Variants in SEC16B observed in about 807,000 individuals in gnomAD.
The protein encoded by SEC16B is SEC16 homolog B, endoplasmic reticulum export factor.
SEC16B carries 115 observed loss-of-function variants against 141.8 expected under a neutral mutation model. The ratio of observed to expected loss-of-function variants is 0.81; its 90% CI spans 0.70 to 0.95. The LOEUF (loss-of-function observed/expected upper bound fraction) is 0.95. Among genes scored for constraint, SEC16B ranks in the 40% least tolerant of loss-of-function variants. The probability of loss-of-function intolerance (pLI) is 0.00; values close to 1 mark genes in which losing one functional copy is unlikely to be tolerated. For missense variants in SEC16B, 1,291 were observed against 1,312.3 expected (o/e 0.98, Z 0.25); for synonymous variants, 493 against 492.5 (o/e 1.00, Z -0.01).
In SEC16B at chr1:177,961,647, C is replaced by A; in HGVS notation, c.730G>T (p.Asp244Tyr). ...SSYELSQYIRDAPERDDPPAS... is the reference protein window; with the variant it reads ...SSYELSQYIRYAPERDDPPAS... Reference sequence around the variant, plus strand: ...GGGGGATCATCCCGCTCCGGGGCATCTCTGATGTACTGACTGAGCTCATAG... The same window carrying A: ...GGGGGATCATCCCGCTCCGGGGCATATCTGATGTACTGACTGAGCTCATAG... Residue 244 changes from aspartate (D) to tyrosine (Y), a missense_variant, in exon 6 of 26, where the codon GAT (aspartate) becomes TAT (tyrosine). Around this residue, in one of 3 missense-constraint regions of SEC16B, gnomAD observed 681 missense variants for 675.5 expected, o/e 1.01. Transcript: ENST00000308284. 1 of 1,613,992 alleles carries A rather than the reference C, an allele frequency of 6.2e-7. No individual in the cohort carries two copies. Among genetic ancestry groups the A allele is most frequent in the Non-Finnish European group, 8.5e-7 (1 of 1,179,886 alleles).
rs746520937 is a variant in SEC16B, at chr1:177,958,134, T to C, written c.1363A>G (p.Lys455Glu). The change falls in exon 10 of 26, where the codon AAG becomes GAG. Residue 455 changes from lysine (K) to glutamate (E), a missense_variant and splice_region_variant. Lys to Glu is a moderately conservative substitution (Grantham distance 56). Around this residue, in one of 3 missense-constraint regions of SEC16B, gnomAD observed 681 missense variants for 675.5 expected, o/e 1.01. Transcript: ENST00000308284. ...FTRLLYYGRKKEALEWAMKNH... is the reference protein window; with the variant it reads ...FTRLLYYGRKEEALEWAMKNH... ...GTATGGGGGAAGGGCATACTTGCCT[T>C]CTTCCTTCCATAGTAGAGCAGCCTA... 2.0e-6 allele frequency: 3 copies of C among 1,497,918 alleles called. No individual in the cohort carries two copies. Among genetic ancestry groups the C allele is most frequent in the Non-Finnish European group, 2.7e-6 (3 of 1,118,782 alleles). The allele number at this position is 1,497,918 out of a possible 1,614,324, so 92.8% of individuals were successfully genotyped here.
Position 177,937,201 on chromosome 1 carries a change from G to A in SEC16B, c.2503+13C>T, listed in dbSNP as rs112513818. On this transcript the variant is annotated intron_variant, in intron 19 of 25. Coordinates refer to ENST00000308284, the MANE Select transcript of SEC16B (RefSeq NM_033127.4). ...CTACATTCAATGTGGCCACCCTAGC[G>A]GCCAGGTCTTACCAGGGCCCAGGTG... 293 of 1,597,728 alleles carry A rather than the reference G, an allele frequency of 1.8e-4. No homozygotes were observed. In the African/African-American group the frequency reaches 3.1e-3, roughly 17 times the overall value.
chr1:177,941,457 T>C (rs1651265170), intron 16 of SEC16B, among the ~76,000 whole-genome samples: 1 of 152,266 alleles, frequency 6.6e-6, no homozygotes. Context: ...TAAAGGTTGA[T>C]ATGTTTTTGT....
chr1:177,949,052 A>T (rs748501021), intron 12 of SEC16B, among the ~76,000 whole-genome samples: 1 of 152,102 alleles, frequency 6.6e-6, no homozygotes, highest in Non-Finnish European at 1.5e-5. Context: ...AATAACTAAG[A>T]TTTGGAGTTA....
chr1:177,961,785 T>C lies in SEC16B; in HGVS notation c.643-51A>G. On this transcript the variant is annotated intron_variant, in intron 5 of 25. Coordinates refer to ENST00000308284, the MANE Select transcript of SEC16B (RefSeq NM_033127.4). Reference sequence around the variant, plus strand: ...AGGAAGAAGTTTCAGAGAGCTGGTCTTCTCAAGCGTTCCTTCAAAGAAACA... The same window carrying C: ...AGGAAGAAGTTTCAGAGAGCTGGTCCTCTCAAGCGTTCCTTCAAAGAAACA... 2.6e-6 allele frequency: 4 copies of C among 1,549,482 alleles called. No individual in the cohort carries two copies. In the South Asian group the frequency reaches 4.6e-5, roughly 18 times the overall value.
In SEC16B at chr1:177,964,078, C is replaced by A; in HGVS notation, c.642+93G>T. 3.6e-6 allele frequency: 3 copies of A among 836,094 alleles called. No homozygotes were observed. The South Asian group carries it at 5.5e-5, about 15-fold the overall frequency. 51.8% of individuals were successfully genotyped at this position (836,094 alleles called of 1,614,324 possible). ...GTCCTCCAGACGGCTGGCCACTGGA[C>A]ATCCATCCCCAAGGGCCCTGTTCTG... On this transcript the variant is annotated intron_variant, in intron 5 of 25. Transcript: ENST00000308284.
rs774683887 is a variant in SEC16B at position 177,958,204 on chromosome 1, G to T, written c.1293C>A (p.Ile431=). The change falls in exon 10 of 26, where the codon ATC becomes ATA. Residue 431 remains isoleucine (I), a synonymous_variant. Coordinates refer to ENST00000308284, the MANE Select transcript of SEC16B (RefSeq NM_033127.4). ...SGTPNLLTGE[I]PPSVETPAQI... is the part of the protein sequence containing the mutation. ...GCGCAGGTGTCTCCACACTGGGGGG[G>T]ATCTCTCCCGTGAGCAGGTTCGGGG... 11 of 1,598,926 alleles carry T rather than the reference G, an allele frequency of 6.9e-6. No homozygotes were observed. Among genetic ancestry groups the T allele is most frequent in the Non-Finnish European group, 9.4e-6 (11 of 1,172,404 alleles).
chr1:177,946,571 C>G, intron 13 of SEC16B, 40 bp from the exon 14 acceptor site: 3 of 1,465,868 alleles, frequency 2.0e-6, no homozygotes, highest in Non-Finnish European at 2.8e-6. Flanking sequence ...ACGGAGCACA[C>G]CCGTATGGGG....
At chr1:177,969,825 G>A (rs1365636035) in intron 1 of SEC16B, 59 bp downstream of exon 1, 1 of 152,158 alleles carries the variant, frequency 6.6e-6, no homozygotes, top group Non-Finnish European at 1.5e-5. Context: ...TTCCTAATCT[G>A]ACGGCACAGC....
intron 18 of SEC16B, among the ~76,000 whole-genome samples, chr1:177,937,812 C>A (rs924208470): frequency 3.7e-4 from 57 of 152,082 alleles, no homozygotes; most frequent in African/African-American, 1.1e-3. Context: ...CCCAGAAAAA[C>A]CTTAAAAACT....
intron 1 of SEC16B, among the ~76,000 whole-genome samples, chr1:177,978,805 T>C (rs1473732039): frequency 6.6e-6 from 1 of 152,166 alleles, no homozygotes; most frequent in East Asian, 1.9e-4. Context: ...TTAGCTTTTA[T>C]CATAGCAGTT....
At chr1:177,959,375 C>T (rs1205576503) in intron 8 of SEC16B, 1 of 230,370 alleles carries the variant, frequency 4.3e-6, no homozygotes, top group African/African-American at 2.3e-5. Context: ...AAAGGACCTA[C>T]CTCCATACAA....
chr1:177,943,989 C>T (rs1255953116), intron 15 of SEC16B, among the ~76,000 whole-genome samples: 7 of 152,224 alleles, frequency 4.6e-5, no homozygotes, highest in Middle Eastern at 3.4e-3. Flanking sequence ...CTGGTCTTTA[C>T]GAATGTAAGG....
chr1:177,965,314 G>A, intron 3 of SEC16B, 147 bp from the exon 4 acceptor site: 1 of 981,206 alleles, frequency 1.0e-6, no homozygotes, highest in East Asian at 2.7e-5. Flanking sequence ...ATAGGTGAGA[G>A]CTAATAAAGA....
At position 177,929,187 on chromosome 1, in the gene SEC16B, A is replaced by C. The variant is rs1455481854; in HGVS notation, c.*671T>G. On this transcript the variant is annotated 3_prime_UTR_variant, in exon 26 of 26. Coordinates refer to ENST00000308284, the MANE Select transcript of SEC16B (RefSeq NM_033127.4). Reference sequence around the variant, plus strand: ...GTTCAGTAGTTACCATGACAATATGATGCCTACAGCAATCTAACTTGATAG... The same window carrying C: ...GTTCAGTAGTTACCATGACAATATGCTGCCTACAGCAATCTAACTTGATAG... 1 of 153,254 alleles carries C rather than the reference A, an allele frequency of 6.5e-6. No homozygotes were observed. The highest frequency in any genetic ancestry group is 1.9e-4 in the East Asian group (1 of 5,192). The allele number at this position is 153,254 out of a possible 1,614,324, so 9.5% of individuals were successfully genotyped here.
intron 15 of SEC16B, 120 bp downstream of exon 15, chr1:177,944,441 G>A: frequency 4.1e-6 from 3 of 735,112 alleles, no homozygotes; most frequent in Non-Finnish European, 7.1e-6. Flanking sequence ...TTAAGCTAAT[G>A]AGGAAAAGTT....
chr1:177,930,304 A>G (rs1650319320), intron 25 of SEC16B, among the ~76,000 whole-genome samples: 1 of 152,170 alleles, frequency 6.6e-6, no homozygotes, highest in African/African-American at 2.4e-5. Context: ...AAATTTAAAC[A>G]TGATATTAAT....
At position 177,932,847 on chromosome 1, in the gene SEC16B, C is replaced by A. The variant is rs779756618; in HGVS notation, c.2824-41G>T. The A allele has an allele frequency of 3.3e-5, 52 of 1,557,780 alleles. No homozygotes were observed. In the East Asian group the frequency reaches 5.1e-4, roughly 15 times the overall value. On this transcript the variant is annotated intron_variant, in intron 22 of 25. Transcript: ENST00000308284. ...AGAAAGGCAGCATTGGCAACATTGGCAGTTAACAAATTGATGCCCGCCAAT... is the reference window on the plus strand; with the variant it reads ...AGAAAGGCAGCATTGGCAACATTGGAAGTTAACAAATTGATGCCCGCCAAT...
At chr1:177,982,013 A>T (rs1654439091) in intron 1 of SEC16B, among the ~76,000 whole-genome samples, 2 of 152,250 alleles carry the variant, frequency 1.3e-5, no homozygotes, top group African/African-American at 4.8e-5. Context: ...TAAGGTAAAA[A>T]GCAGAGGAAG....
Sources: gnomAD v4.1 joint callset for allele counts (sites outside exome capture counted in the v4.1 genomes callset) on GRCh38, gnomAD v4.1.1 for gene constraint, gnomAD v4.1.1 regional missense constraint, MANE v1.5 for transcripts, NCBI Gene and HGNC (gene_info 2026-07-23, HGNC 2026-07-21) for gene names.